The following SNTG1 variants were observed in gnomAD, a reference collection of about 807,000 sequenced individuals.
SNTG1 encodes syntrophin gamma 1.
Under a neutral mutation model 74.7 loss-of-function variants are expected in SNTG1, and 39 were observed. The ratio of observed to expected loss-of-function variants is 0.52; its 90% CI spans 0.40 to 0.68. The LOEUF (loss-of-function observed/expected upper bound fraction) is 0.68, where lower values mean the gene tolerates loss of function less well. Among genes scored for constraint, SNTG1 ranks in the 30% least tolerant of loss-of-function variants. SNTG1 has a pLI of 0.00. For synonymous variants in SNTG1, 254 were observed against 217.1 expected (o/e 1.17, Z -1.49); for missense variants, 685 against 609.5 (o/e 1.12, Z -1.30).
At chr8:50,676,103 T>A (rs7816076) in intron 15 of SNTG1, among the ~76,000 whole-genome samples, 6,709 of 151,886 alleles carry the variant, frequency 0.044, 398 homozygotes, top group African/African-American at 0.12. Flanking sequence ...CTAATGATTA[T>A]GTGTCTTGGG....
At chr8:50,190,689 T>C (rs904831961) in intron 2 of SNTG1, among the ~76,000 whole-genome samples, 2 of 152,158 alleles carry the variant, frequency 1.3e-5, no homozygotes, top group Non-Finnish European at 2.9e-5. Flanking sequence ...CAATAAAGCT[T>C]CTTGCACACA....
At chr8:50,334,640 G>A (rs2923058) in intron 2 of SNTG1, among the ~76,000 whole-genome samples, 94,209 of 152,024 alleles carry the variant, frequency 0.62, 34,018 homozygotes, top group East Asian at 0.88. Flanking sequence ...AATAAAAACA[G>A]CAACATAGTG....
chr8:50,287,941 A>G (rs111481397), intron 2 of SNTG1, among the ~76,000 whole-genome samples: 2 of 152,250 alleles, frequency 1.3e-5, no homozygotes, highest in African/African-American at 4.8e-5. Context: ...TTCCAGGCTC[A>G]TTGCAAACGT....
chr8:50,657,187 T>C (rs2095187973), intron 14 of SNTG1, among the ~76,000 whole-genome samples, 162 bp downstream of exon 14: 1 of 152,232 alleles, frequency 6.6e-6, no homozygotes, highest in African/African-American at 2.4e-5. Flanking sequence ...ATATATATTC[T>C]GACATTAAAC....
At chr8:50,036,118 T>C (rs1818139460) in intron 1 of SNTG1, among the ~76,000 whole-genome samples, 1 of 152,186 alleles carries the variant, frequency 6.6e-6, no homozygotes, top group Non-Finnish European at 1.5e-5. Flanking sequence ...TATAAGAATA[T>C]AAATTAATTA....
intron 1 of SNTG1, among the ~76,000 whole-genome samples, chr8:49,924,690 A>C (rs114680878): frequency 0.013 from 1,929 of 152,084 alleles, 44 homozygotes; most frequent in African/African-American, 0.042. Context: ...TGATACTCCA[A>C]AAAGGCTAAA....
intron 2 of SNTG1, among the ~76,000 whole-genome samples, chr8:50,231,875 C>T (rs561216840): frequency 1.3e-5 from 2 of 151,394 alleles, no homozygotes; most frequent in East Asian, 1.9e-4. Flanking sequence ...CTCATGGTCT[C>T]ACCATCAAAA....
chr8:50,139,191 T>C (rs1170843471), intron 1 of SNTG1, among the ~76,000 whole-genome samples: 1 of 152,210 alleles, frequency 6.6e-6, no homozygotes, highest in Non-Finnish European at 1.5e-5. Flanking sequence ...TTCTGACTTT[T>C]GGCATATAGC....
chr8:50,496,583 C>A (rs2093906381), intron 8 of SNTG1, among the ~76,000 whole-genome samples: 1 of 152,114 alleles, frequency 6.6e-6, no homozygotes, highest in Non-Finnish European at 1.5e-5. Flanking sequence ...ATGAACTTTT[C>A]TTCTTAATAG....
intron 2 of SNTG1, among the ~76,000 whole-genome samples, chr8:50,186,060 A>G (rs2083371409): frequency 6.6e-6 from 1 of 151,990 alleles, no homozygotes; most frequent in Non-Finnish European, 1.5e-5. Context: ...ATGTGTTCTC[A>G]TTGTTGAACT....
rs115672597 is a variant in SNTG1 at position 50,429,793 on chromosome 8, C to T, written c.163-8750C>T. On this transcript the variant is annotated intron_variant, in intron 4 of 18. Coordinates refer to ENST00000642720, the MANE Select transcript of SNTG1 (RefSeq NM_018967.5). ...AAAAAGTTCTCGCAACTCAATTAAA[C>T]GGGCAATCAAAAAATGGGCAAATAA... Among the ~76,000 whole-genome samples the T allele has an allele frequency of 3.6e-4, 55 of 151,906 alleles. 1 individual carries two copies. Among genetic ancestry groups the T allele is most frequent in the Admixed American group, 1.8e-3 (27 of 15,236 alleles).
chr8:50,787,913 G>A (rs2095680282), intron 18 of SNTG1, among the ~76,000 whole-genome samples: 1 of 152,086 alleles, frequency 6.6e-6, no homozygotes, highest in Admixed American at 6.6e-5. Context: ...TCTAAAATTT[G>A]ATGATGATAG....
At chr8:50,396,328 G>C (rs1325016491) in intron 3 of SNTG1, among the ~76,000 whole-genome samples, 1 of 152,134 alleles carries the variant, frequency 6.6e-6, no homozygotes, top group African/African-American at 2.4e-5. Context: ...TTACTTAATG[G>C]AATCCAAGTG....
In SNTG1 at chr8:50,563,876, C is replaced by G. The variant is rs310563; in HGVS notation, c.810+10697C>G. Among the ~76,000 whole-genome samples the G allele has an allele frequency of 6.9e-3, 1,052 of 152,216 alleles. 12 individuals are homozygous for G. The highest frequency in any genetic ancestry group is 0.024 in the African/African-American group (1,014 of 41,520). On this transcript the variant is annotated intron_variant, in intron 12 of 18. Coordinates refer to ENST00000642720, the MANE Select transcript of SNTG1 (RefSeq NM_018967.5). ...AAAGATTCTTTCAGACAGCTCTCTCCTGGAAATCTTTCAATGACATAGAAA... is the reference window on the plus strand; with the variant it reads ...AAAGATTCTTTCAGACAGCTCTCTCGTGGAAATCTTTCAATGACATAGAAA...
chr8:49,920,497 A>G (rs761675458), intron 1 of SNTG1, among the ~76,000 whole-genome samples: 17 of 152,164 alleles, frequency 1.1e-4, no homozygotes, highest in African/African-American at 4.1e-4. Context: ...CTCTCTTCTT[A>G]TAACACCTAT....
At chr8:50,509,600 G>T (rs1181224775) in intron 9 of SNTG1, among the ~76,000 whole-genome samples, 1 of 151,934 alleles carries the variant, frequency 6.6e-6, no homozygotes, top group Non-Finnish European at 1.5e-5. Flanking sequence ...ATTGAGCAGT[G>T]GTGTGTAGTT....
intron 18 of SNTG1, among the ~76,000 whole-genome samples, chr8:50,774,830 T>A (rs1187417106): frequency 6.6e-6 from 1 of 151,396 alleles, no homozygotes. Flanking sequence ...GGGAACAGAG[T>A]TATATAGAAA....
At chr8:50,451,440 G>A (rs983722284) in intron 8 of SNTG1, among the ~76,000 whole-genome samples, 3 of 152,114 alleles carry the variant, frequency 2.0e-5, no homozygotes, top group African/African-American at 4.8e-5. Flanking sequence ...TAAAGACTGC[G>A]TGTGTGTGTA....
chr8:50,033,753 C>T (rs150681722), intron 1 of SNTG1, among the ~76,000 whole-genome samples: 1 of 152,226 alleles, frequency 6.6e-6, no homozygotes, highest in Admixed American at 6.5e-5. Flanking sequence ...ACCACAACAA[C>T]GACCTCATTT....
Sources: allele counts gnomAD v4.1 joint callset (sites outside exome capture counted in the v4.1 genomes callset), GRCh38; gene constraint gnomAD v4.1.1; transcripts MANE v1.5; gene names NCBI Gene and HGNC (gene_info 2026-07-23, HGNC 2026-07-21).